Variants in GRIK1 observed in about 807,000 individuals in gnomAD.
The protein encoded by GRIK1 is glutamate ionotropic receptor kainate type subunit 1.
A neutral mutation model predicts 105.7 loss-of-function variants in GRIK1; 69 were observed. That is an observed-to-expected ratio of 0.65 (90% confidence interval 0.54 to 0.80). The LOEUF is 0.80. GRIK1 is among the 30% of genes least tolerant of loss of function. GRIK1 has a pLI of 0.00. For synonymous variants in GRIK1, 438 were observed against 431.3 expected (o/e 1.02, Z -0.19); for missense variants, 1,109 against 1,167.3 (o/e 0.95, Z 0.73).
rs2090436242 is a variant in GRIK1 at position 29,560,519 on chromosome 21, C to CCTTCCTTTCTTTCTTT, written c.2356+1104_2356+1105insAAAGAAAGAAAGGAAG. ...TCTTTCCTTCCTTCCTTCCTTCCTT[C>CCTTCCTTTCTTTCTTT]CTTTCTTTCTTTCTTTCTTTCTTTC... On this transcript the variant is annotated intron_variant, in intron 15 of 17. Coordinates refer to ENST00000327783, the MANE Select transcript of GRIK1 (RefSeq NM_001330994.2). Among the ~76,000 whole-genome samples, 37 of 57,828 alleles carry CCTTCCTTTCTTTCTTT rather than the reference C, an allele frequency of 6.4e-4. 3 individuals are homozygous for CCTTCCTTTCTTTCTTT. Among genetic ancestry groups the CCTTCCTTTCTTTCTTT allele is most frequent in the Non-Finnish European group, 8.2e-4 (27 of 32,888 alleles). The allele number at this position is 57,828 out of a possible 152,430, so 37.9% of individuals were successfully genotyped here.
intron 1 of GRIK1, among the ~76,000 whole-genome samples, chr21:29,772,520 A>G (rs938187832): frequency 3.9e-5 from 6 of 152,190 alleles, no homozygotes; most frequent in African/African-American, 1.2e-4. Context: ...ATAGTCTTCT[A>G]TGTAATCAAG....
chr21:29,548,560 CTAAT>C (rs140188403), intron 16 of GRIK1, among the ~76,000 whole-genome samples: 93,773 of 151,366 alleles, frequency 0.62, 30,227 homozygotes, highest in East Asian at 0.76. Flanking sequence ...AGAAAATAGT[CTAAT>C]AAGTAAGACT....
chr21:29,569,143 G>C (rs117395184), intron 14 of GRIK1, among the ~76,000 whole-genome samples: 2,951 of 152,280 alleles, frequency 0.019, 53 homozygotes, highest in Non-Finnish European at 0.03. Flanking sequence ...AGACACTGCA[G>C]AGATGACTGA....
At chr21:29,555,889 A>G (rs2090241404) in intron 15 of GRIK1, among the ~76,000 whole-genome samples, 1 of 152,168 alleles carries the variant, frequency 6.6e-6, no homozygotes, top group Non-Finnish European at 1.5e-5. Context: ...TCTTTTTCTC[A>G]AGGAGGTAAA....
At chr21:29,898,836 A>G (rs1179881103) in intron 1 of GRIK1, among the ~76,000 whole-genome samples, 1 of 152,120 alleles carries the variant, frequency 6.6e-6, no homozygotes, top group Non-Finnish European at 1.5e-5. Flanking sequence ...TATATATTTC[A>G]ATTAACATAA....
At chr21:29,850,925 G>T (rs922919584) in intron 1 of GRIK1, among the ~76,000 whole-genome samples, 1 of 152,158 alleles carries the variant, frequency 6.6e-6, no homozygotes. Flanking sequence ...TTTTACTTAC[G>T]ATATTAACAC....
intron 1 of GRIK1, among the ~76,000 whole-genome samples, chr21:29,698,529 C>T (rs924238750): frequency 4.6e-5 from 7 of 152,172 alleles, no homozygotes; most frequent in African/African-American, 1.7e-4. Flanking sequence ...ACCTCAAAAT[C>T]GGCAGGCCTG....
At chr21:29,767,568 AACAC>A (rs1203613350) in intron 1 of GRIK1, among the ~76,000 whole-genome samples, 1 of 152,202 alleles carries the variant, frequency 6.6e-6, no homozygotes, top group East Asian at 1.9e-4. Context: ...AATTTTTTAA[AACAC>A]AGGACTTTGG....
chr21:29,589,378 A>G (rs1405575770), intron 10 of GRIK1, among the ~76,000 whole-genome samples: 1 of 150,574 alleles, frequency 6.6e-6, no homozygotes, highest in Non-Finnish European at 1.5e-5. Context: ...ATGCCTGGCC[A>G]CCTGCTGTGC....
chr21:29,662,442 T>C (rs2062983483), intron 4 of GRIK1, among the ~76,000 whole-genome samples: 1 of 152,174 alleles, frequency 6.6e-6, no homozygotes, highest in East Asian at 1.9e-4. Context: ...TAAGAGAGAA[T>C]ACGGAGGAAA....
At chr21:29,806,162 A>G (rs1039566703) in intron 1 of GRIK1, among the ~76,000 whole-genome samples, 2 of 152,188 alleles carry the variant, frequency 1.3e-5, no homozygotes, top group African/African-American at 4.8e-5. Flanking sequence ...TTATAAAATT[A>G]TAATTCTGTT....
intron 1 of GRIK1, among the ~76,000 whole-genome samples, chr21:29,707,021 C>T (rs569427689): frequency 9.2e-5 from 14 of 152,266 alleles, no homozygotes; most frequent in African/African-American, 2.6e-4. Flanking sequence ...CCCGCCACCG[C>T]GCCCTGCTAA....
chr21:29,662,495 AAGGTAACAGAAT>A (rs1307322076), intron 4 of GRIK1, among the ~76,000 whole-genome samples: 1 of 152,212 alleles, frequency 6.6e-6, no homozygotes, highest in African/African-American at 2.4e-5. Flanking sequence ...TAGAAGCTGG[AAGGTAACAGAAT>A]ATTTTGAATT....
chr21:29,677,484 C>A (rs2063291906), intron 3 of GRIK1, among the ~76,000 whole-genome samples: 1 of 152,036 alleles, frequency 6.6e-6, no homozygotes, highest in Admixed American at 6.6e-5. Flanking sequence ...CTTGCTTTGG[C>A]CGCCTGTCTA....
intron 16 of GRIK1, among the ~76,000 whole-genome samples, chr21:29,540,386 TTGTCTC>T (rs2089950004): frequency 6.6e-6 from 1 of 152,218 alleles, no homozygotes; most frequent in African/African-American, 2.4e-5. Flanking sequence ...GATTCTCACT[TTGTCTC>T]TGACTGTTGA....
intron 1 of GRIK1, among the ~76,000 whole-genome samples, chr21:29,707,377 T>A (rs950281371): frequency 3.3e-5 from 5 of 151,908 alleles, no homozygotes; most frequent in African/African-American, 1.2e-4. Context: ...ATACCTGAAT[T>A]TTCTCTGAAA....
intron 1 of GRIK1, among the ~76,000 whole-genome samples, chr21:29,811,832 G>C (rs2067017007): frequency 6.6e-6 from 1 of 152,112 alleles, no homozygotes; most frequent in South Asian, 2.1e-4. Flanking sequence ...TGGCCTTCTT[G>C]CTTCTCCGGG....
intron 1 of GRIK1, among the ~76,000 whole-genome samples, chr21:29,783,475 GTT>G (rs2066179039): frequency 6.6e-6 from 1 of 151,916 alleles, no homozygotes; most frequent in Non-Finnish European, 1.5e-5. Context: ...TTTCCCTTAT[GTT>G]TCAGTTTTCC....
rs1465715642 is a variant in GRIK1, at chr21:29,560,277, A to AGTTT, written c.2356+1343_2356+1346dup. On this transcript the variant is annotated intron_variant, in intron 15 of 17. Coordinates refer to ENST00000327783, the MANE Select transcript of GRIK1 (RefSeq NM_001330994.2). Reference sequence around the variant, plus strand: ...ACTATACCAGGACCTTATATGATACAGTTTTCTTTCTTTCTTTCTTTCTTT... The same window carrying AGTTT: ...ACTATACCAGGACCTTATATGATACAGTTTGTTTTCTTTCTTTCTTTCTTTCTTT... Among the ~76,000 whole-genome samples the AGTTT allele has an allele frequency of 1.4e-3, 190 of 133,182 alleles. 3 individuals carry two copies. Among genetic ancestry groups the AGTTT allele is most frequent in the African/African-American group, 5.1e-3 (180 of 35,470 alleles). The allele number at this position is 133,182 out of a possible 152,430, so 87.4% of individuals were successfully genotyped here. A position where few individuals can be genotyped will look rare whatever the true frequency, so the allele number is the denominator to read the frequency against.
Sources: allele counts gnomAD v4.1 joint callset (sites outside exome capture counted in the v4.1 genomes callset), GRCh38; gene constraint gnomAD v4.1.1; transcripts MANE v1.5; gene names NCBI Gene and HGNC (gene_info 2026-07-23, HGNC 2026-07-21).